UBR1: variants seen among roughly 807,000 people sequenced by gnomAD.
UBR1 encodes E3 ubiquitin-protein ligase UBR1.
In UBR1, 102 loss-of-function variants were observed where a neutral mutation model predicts 242.1. The observed-to-expected ratio is 0.42, with a 90% CI of 0.36 to 0.50. The LOEUF is 0.50. Among genes scored for constraint, UBR1 ranks in the 20% least tolerant of loss-of-function variants. The probability of loss-of-function intolerance (pLI) is 0.01; values close to 1 mark genes in which losing one functional copy is unlikely to be tolerated. For missense variants in UBR1, 1,772 were observed against 2,101.8 expected (o/e 0.84, Z 3.07); for synonymous variants, 675 against 684.8 (o/e 0.99, Z 0.22).
chr15:43,005,198 G>T (rs547972042), intron 30 of UBR1, among the ~76,000 whole-genome samples: 1 of 152,038 alleles, frequency 6.6e-6, no homozygotes, highest in Admixed American at 6.5e-5. Flanking sequence ...CCCCATCTGG[G>T]AAGTGAGGAG....
chr15:43,027,930 A>C, intron 21 of UBR1, 102 bp from the exon 22 acceptor site: 2 of 983,390 alleles, frequency 2.0e-6, no homozygotes, highest in Non-Finnish European at 3.1e-6. Flanking sequence ...GTACTTTGTA[A>C]ATAATTTTAA....
chr15:43,062,543 A>T (rs2033701724), intron 6 of UBR1, among the ~76,000 whole-genome samples: 1 of 152,194 alleles, frequency 6.6e-6, no homozygotes, highest in Middle Eastern at 3.2e-3. Flanking sequence ...ACACTAGTAT[A>T]TGGTACACCT....
chr15:42,967,667 C>A (rs79319997), intron 40 of UBR1, among the ~76,000 whole-genome samples: 1 of 151,656 alleles, frequency 6.6e-6, no homozygotes, highest in African/African-American at 2.4e-5. Flanking sequence ...ACAAATGGTA[C>A]CTCCCTAATG....
At chr15:43,038,023 C>CAA in intron 16 of UBR1, 140 bp from the exon 17 acceptor site, 1 of 1,191,734 alleles carries the variant, frequency 8.4e-7, no homozygotes, top group South Asian at 1.3e-5. Context: ...CCCTGTGACT[C>CAA]AGATTACAAT....
chr15:42,980,845 G>A (rs1034858738), intron 37 of UBR1, among the ~76,000 whole-genome samples: 4 of 152,066 alleles, frequency 2.6e-5, no homozygotes, highest in African/African-American at 9.7e-5. Context: ...CAAATGATCT[G>A]CTCACCTTGG....
chr15:42,947,464 T>C (rs1214066796), intron 46 of UBR1, among the ~76,000 whole-genome samples: 5 of 152,148 alleles, frequency 3.3e-5, no homozygotes, highest in South Asian at 2.1e-4. Flanking sequence ...AAATAAAGGG[T>C]ATTCAATTAG....
chr15:42,975,926 C>T (rs1322178394), intron 39 of UBR1, among the ~76,000 whole-genome samples: 1 of 152,146 alleles, frequency 6.6e-6, no homozygotes, highest in Non-Finnish European at 1.5e-5. Flanking sequence ...CCATCTTGTG[C>T]AGGCTGTTCT....
chr15:43,063,902 A>G (rs2033717877), intron 6 of UBR1, among the ~76,000 whole-genome samples: 1 of 152,024 alleles, frequency 6.6e-6, no homozygotes, highest in African/African-American at 2.4e-5. Context: ...ACGCCTGGCT[A>G]ATTTTGTATT....
chr15:43,036,459 T>G (rs1483941622), intron 18 of UBR1, 69 bp downstream of exon 18: 2 of 1,317,464 alleles, frequency 1.5e-6, no homozygotes, highest in African/African-American at 1.5e-5. Context: ...TTACATTATC[T>G]TCTCTCCTTA....
chr15:43,092,744 G>C (rs1181049013), intron 1 of UBR1, among the ~76,000 whole-genome samples: 8 of 152,104 alleles, frequency 5.3e-5, no homozygotes, highest in African/African-American at 1.9e-4. Context: ...AGTAGAAACG[G>C]GGTTTCACCA....
intron 20 of UBR1, among the ~76,000 whole-genome samples, chr15:43,032,000 C>G (rs1214732968): frequency 6.6e-6 from 1 of 152,150 alleles, no homozygotes; most frequent in Non-Finnish European, 1.5e-5. Flanking sequence ...CACCACTGCA[C>G]TCCGGCCTGG....
intron 29 of UBR1, among the ~76,000 whole-genome samples, chr15:43,015,156 T>A (rs1596102292): frequency 2.0e-5 from 3 of 152,180 alleles, no homozygotes; most frequent in Admixed American, 1.3e-4. Flanking sequence ...CAACAGCTCA[T>A]TGAGAACGGG....
chr15:43,070,940 A>G lies in UBR1; in HGVS notation c.529-15T>C, dbSNP rs1283602370. On this transcript the variant is annotated splice_polypyrimidine_tract_variant and intron_variant, in intron 4 of 46. Coordinates refer to ENST00000290650, the MANE Select transcript of UBR1 (RefSeq NM_174916.3). ...CAGCGTGAATTCTATAAAAAAGCCG[A>G]GAAAAACATACTAGTCAAGATTGTA... is the stretch of plus-strand genomic sequence containing the variant. The G allele has an allele frequency of 5.6e-6, 9 of 1,611,934 alleles. No homozygotes were observed. The highest frequency in any genetic ancestry group is 7.6e-6 in the Non-Finnish European group (9 of 1,179,916).
At chr15:43,080,012 T>C (rs2033957494) in intron 3 of UBR1, among the ~76,000 whole-genome samples, 1 of 152,202 alleles carries the variant, frequency 6.6e-6, no homozygotes. Flanking sequence ...ACACTACACA[T>C]GTACCCTTCT....
intron 46 of UBR1, among the ~76,000 whole-genome samples, chr15:42,949,424 TATA>T (rs2031791650): frequency 2.2e-5 from 3 of 138,474 alleles, no homozygotes; most frequent in African/African-American, 7.4e-5. Flanking sequence ...AAACTTAAAG[TATA>T]ATAATAATAA....
chr15:43,059,626 A>C, intron 8 of UBR1, 76 bp downstream of exon 8: 1 of 1,551,538 alleles, frequency 6.4e-7, no homozygotes, highest in Non-Finnish European at 8.8e-7. Context: ...TTTCATACTC[A>C]ATGACATTTT....
At chr15:43,066,148 G>GTA (rs2033749682) in intron 6 of UBR1, among the ~76,000 whole-genome samples, 1 of 152,088 alleles carries the variant, frequency 6.6e-6, no homozygotes, top group Non-Finnish European at 1.5e-5. Flanking sequence ...TTTGTATAAG[G>GTA]TATAGGGAAG....
chr15:43,047,118 A>G, intron 14 of UBR1, 43 bp downstream of exon 14: 1 of 1,611,036 alleles, frequency 6.2e-7, no homozygotes, highest in Non-Finnish European at 8.5e-7. Flanking sequence ...ATAATTACTA[A>G]GAACTTAAAA....
In UBR1 at chr15:43,021,389, C is replaced by T. The variant is rs765036025; in HGVS notation, c.2840-14G>A. 1.2e-5 allele frequency: 20 copies of T among 1,608,664 alleles called. No homozygotes were observed. The highest frequency in any genetic ancestry group is 1.7e-5 in the Non-Finnish European group (20 of 1,175,506). On this transcript the variant is annotated splice_polypyrimidine_tract_variant and intron_variant, in intron 26 of 46. Transcript: ENST00000290650. ...AACTTCCCAATCCTTTTTTAAAACA[C>T]AAAATCACACATCATAAATACATAA...
Sources: allele counts gnomAD v4.1 joint callset (sites outside exome capture counted in the v4.1 genomes callset), GRCh38; gene constraint gnomAD v4.1.1; transcripts MANE v1.5; gene names NCBI Gene and HGNC (gene_info 2026-07-23, HGNC 2026-07-21).